NCAM1: variants seen among roughly 807,000 people sequenced by gnomAD.
NCAM1 encodes the protein neural cell adhesion molecule 1.
A neutral mutation model predicts 109.8 loss-of-function variants in NCAM1; 14 were observed. The observed-to-expected ratio is 0.13, with a 90% confidence interval of 0.08 to 0.20. The LOEUF (loss-of-function observed/expected upper bound fraction) is 0.20. Ranked by LOEUF, NCAM1 falls within the 10% of genes least tolerant of loss-of-function variation. The pLI, the probability that NCAM1 is intolerant of heterozygous loss-of-function variation, is 1.00. For missense variants in NCAM1, 774 were observed against 1,109.9 expected (o/e 0.70, Z 4.30); for synonymous variants, 418 against 442.9 (o/e 0.94, Z 0.70).
chr11:113,250,540 T>C (rs1945646724), intron 15 of NCAM1, among the ~76,000 whole-genome samples: 1 of 152,244 alleles, frequency 6.6e-6, no homozygotes, highest in Admixed American at 6.5e-5. Context: ...TTTCAAAAAC[T>C]AAGTGTAAAA....
intron 7 of NCAM1, 97 bp downstream of exon 7, chr11:113,208,099 A>G (rs1346233786): frequency 2.2e-6 from 3 of 1,361,504 alleles, no homozygotes; most frequent in Admixed American, 4.3e-5. Flanking sequence ...GTCCCTCAGA[A>G]CATAACCCAA....
chr11:113,216,084 A>G (rs931914011), intron 8 of NCAM1, among the ~76,000 whole-genome samples: 2 of 152,064 alleles, frequency 1.3e-5, no homozygotes, highest in African/African-American at 2.4e-5. Context: ...AAAGGTTATT[A>G]AGATTTGTGC....
intron 1 of NCAM1, among the ~76,000 whole-genome samples, chr11:113,142,553 A>G (rs1330572841): frequency 2.6e-5 from 4 of 152,146 alleles, no homozygotes; most frequent in African/African-American, 9.7e-5. Context: ...TGCTCCTTTA[A>G]CAACCCAGGT....
At chr11:113,032,438 G>A (rs1249164763) in intron 1 of NCAM1, among the ~76,000 whole-genome samples, 4 of 152,146 alleles carry the variant, frequency 2.6e-5, no homozygotes, top group Non-Finnish European at 5.9e-5. Context: ...GCCCTTCCCA[G>A]AATCCCCTGC....
chr11:113,221,341 C>T lies in NCAM1; in HGVS notation c.1089+16C>T, dbSNP rs782234252. On this transcript the variant is annotated intron_variant, in intron 9 of 19. Transcript: ENST00000316851. The stretch of plus-strand genomic sequence containing the variant: ...GAAGCAAGAGGTATAGCTTACCTGA[C>T]CACTAGCCAGTCTTTAGTTTTGAAA... The T allele has an allele frequency of 6.4e-7, 1 of 1,566,598 alleles. No individual in the cohort carries two copies. Among genetic ancestry groups the T allele is most frequent in the Admixed American group, 1.9e-5 (1 of 53,022 alleles).
chr11:112,988,728 C>G (rs1951377760), intron 1 of NCAM1, among the ~76,000 whole-genome samples: 1 of 145,826 alleles, frequency 6.9e-6, no homozygotes, highest in Non-Finnish European at 1.5e-5. Flanking sequence ...AACATTCTCT[C>G]TTTGTCTTTG....
At chr11:112,975,220 G>T (rs1334274548) in intron 1 of NCAM1, among the ~76,000 whole-genome samples, 2 of 152,006 alleles carry the variant, frequency 1.3e-5, no homozygotes, top group Non-Finnish European at 2.9e-5. Context: ...AGAAAGACGT[G>T]GACTTGGCAG....
chr11:113,024,787 T>C (rs1555076890), intron 1 of NCAM1, among the ~76,000 whole-genome samples: 2 of 152,254 alleles, frequency 1.3e-5, no homozygotes, highest in Non-Finnish European at 2.9e-5. Context: ...TAACCCCCTC[T>C]ATTTTTTTGT....
intron 1 of NCAM1, among the ~76,000 whole-genome samples, chr11:113,098,491 G>A (rs921380744): frequency 6.6e-6 from 1 of 151,830 alleles, no homozygotes; most frequent in Non-Finnish European, 1.5e-5. Context: ...ATCCACGGTT[G>A]GTTGAATCTG....
intron 15 of NCAM1, among the ~76,000 whole-genome samples, chr11:113,251,819 G>C (rs1555121382): frequency 6.6e-6 from 1 of 152,140 alleles, no homozygotes; most frequent in East Asian, 1.9e-4. Context: ...TGCACATCAG[G>C]ACTCTCTCAG....
chr11:113,095,893 GAAT>G (rs782039712), intron 1 of NCAM1, among the ~76,000 whole-genome samples: 4 of 152,172 alleles, frequency 2.6e-5, no homozygotes, highest in Non-Finnish European at 2.9e-5. Context: ...TCTGTAGAAT[GAAT>G]AATAATAGCT....
At chr11:113,046,803 AGAG>A (rs200860692) in intron 1 of NCAM1, among the ~76,000 whole-genome samples, 7,396 of 106,426 alleles carry the variant, frequency 0.069, 561 homozygotes, top group East Asian at 0.22. Context: ...AAGAAAGAAA[AGAG>A]AGAGAGAGAG....
intron 1 of NCAM1, among the ~76,000 whole-genome samples, chr11:113,086,985 GTAAA>G (rs1318071252): frequency 3.9e-5 from 6 of 152,192 alleles, no homozygotes; most frequent in African/African-American, 1.4e-4. Context: ...TGCAAGGTAA[GTAAA>G]TAATTAAAAC....
chr11:113,236,279 G>T, intron 14 of NCAM1: 3 of 1,610,766 alleles, frequency 1.9e-6, no homozygotes, highest in Non-Finnish European at 2.5e-6. Context: ...TTTCGTCTGT[G>T]TTCCATCCAT....
At chr11:113,027,264 C>G (rs1418286296) in intron 1 of NCAM1, among the ~76,000 whole-genome samples, 1 of 152,118 alleles carries the variant, frequency 6.6e-6, no homozygotes, top group Admixed American at 6.5e-5. Context: ...ATTTGGGATC[C>G]TAAAGAGTAT....
chr11:113,157,384 A>G (rs1050611343), intron 1 of NCAM1, among the ~76,000 whole-genome samples: 2 of 152,238 alleles, frequency 1.3e-5, no homozygotes, highest in Non-Finnish European at 2.9e-5. Flanking sequence ...CAAATAAACA[A>G]CAACTTTTTC....
chr11:113,261,256 C>T (rs1945988440), intron 17 of NCAM1, among the ~76,000 whole-genome samples: 1 of 151,900 alleles, frequency 6.6e-6, no homozygotes, highest in Admixed American at 6.6e-5. Context: ...ATGATTCCTC[C>T]TCCCAGGAGG....
At chr11:113,021,917 G>A (rs574513988) in intron 1 of NCAM1, among the ~76,000 whole-genome samples, 7 of 152,194 alleles carry the variant, frequency 4.6e-5, no homozygotes, top group Non-Finnish European at 8.8e-5. Context: ...TTGTTTCTGT[G>A]CAATAGGGAG....
chr11:113,002,907 G>T (rs906985391), intron 1 of NCAM1, among the ~76,000 whole-genome samples: 3 of 152,178 alleles, frequency 2.0e-5, no homozygotes. Flanking sequence ...AATTACCATT[G>T]AGAGAAAAGC....
Sources: allele counts gnomAD v4.1 joint callset (sites outside exome capture counted in the v4.1 genomes callset), GRCh38; gene constraint gnomAD v4.1.1; transcripts MANE v1.5; gene names NCBI Gene and HGNC (gene_info 2026-07-23, HGNC 2026-07-21).